The following MYL6 variants were observed in gnomAD, a reference collection of about 807,000 sequenced individuals.
The protein encoded by MYL6 is myosin light chain 6, also known as myosin light polypeptide 6.
A neutral mutation model predicts 20.3 loss-of-function variants in MYL6; 20 were observed. The observed-to-expected ratio is 0.98, with a 90% CI of 0.69 to 1.43. MYL6 has a LOEUF of 1.43. Among genes scored for constraint, MYL6 ranks in the 40% most tolerant of loss-of-function variants. MYL6 has a pLI of 0.00. For synonymous variants in MYL6, 77 were observed against 72.4 expected, an observed-to-expected ratio of 1.06 and a Z score of -0.32; for missense variants, 164 against 191.0, an observed-to-expected ratio of 0.86 and a Z score of 0.83.
At chr12:56,160,581 T>A (rs1481471984) in intron 5 of MYL6, 45 bp from the exon 6 acceptor site, 3 of 1,608,752 alleles carry the variant, frequency 1.9e-6, no homozygotes, top group Non-Finnish European at 2.6e-6. Context: ...CCTCACCCCA[T>A]GTCTTTGTCT....
chr12:56,161,362 C>A, intron 6 of MYL6, 25 bp from the exon 7 acceptor site: 1 of 1,614,094 alleles, frequency 6.2e-7, no homozygotes, highest in South Asian at 1.1e-5. Flanking sequence ...TGTTCCCTGG[C>A]TCATCCCACC....
At chr12:56,160,373 A>C (rs1157601737) in intron 5 of MYL6, 53 bp downstream of exon 5, 1 of 1,607,416 alleles carries the variant, frequency 6.2e-7, no homozygotes, top group African/African-American at 1.3e-5. Flanking sequence ...GGGCAGGTCA[A>C]GTATAGTGTC....
At chr12:56,160,831 G>C in intron 6 of MYL6, 161 bp downstream of exon 6, 1 of 778,728 alleles carries the variant, frequency 1.3e-6, no homozygotes, top group Non-Finnish European at 2.1e-6. Flanking sequence ...TCCTCAAAGA[G>C]GAAGACAACC....
intron 6 of MYL6, chr12:56,160,980 G>A (rs1164153189): frequency 3.5e-6 from 2 of 565,194 alleles, no homozygotes; most frequent in Non-Finnish European, 6.4e-6. Context: ...TGGAGCATGG[G>A]TAGCTGGCAT....
chr12:56,160,484 A>G (rs1871693843), intron 5 of MYL6, 142 bp from the exon 6 acceptor site: 6 of 1,406,380 alleles, frequency 4.3e-6, no homozygotes, highest in East Asian at 2.3e-5. Context: ...TCAGGGCGGT[A>G]TAACAGGAAA....
chr12:56,159,391 AGG>A, intron 2 of MYL6, 194 bp from the exon 3 acceptor site: 1 of 642,600 alleles, frequency 1.6e-6, no homozygotes, highest in South Asian at 2.5e-5. Flanking sequence ...GGCTGCCAGA[AGG>A]GGAGGAAGCC....
intron 6 of MYL6, chr12:56,161,154 G>A (rs1373569073): frequency 2.0e-5 from 12 of 612,236 alleles, no homozygotes; most frequent in Non-Finnish European, 3.5e-5. Context: ...TTCTGCCTCT[G>A]CTGTGTTCTT....
Position 56,161,510 on chromosome 12 carries a change from T to G in MYL6, c.*140T>G. ...CTAGGCTTTCTTGTCTCAGCAACTT[T>G]CCCATCTTGTCTCTCTTGGATGATG... On this transcript the variant is annotated 3_prime_UTR_variant, in exon 7 of 7. Coordinates refer to ENST00000550697, the MANE Select transcript of MYL6 (RefSeq NM_021019.5). 7.0e-7 allele frequency: 1 copy of G among 1,420,906 alleles called. No homozygotes were observed. Among genetic ancestry groups the G allele is most frequent in the Non-Finnish European group, 9.9e-7 (1 of 1,006,936 alleles). 88.0% of individuals were successfully genotyped at this position (1,420,906 alleles called of 1,614,324 possible). A position where few individuals can be genotyped will look rare whatever the true frequency, so the allele number is the denominator to read the frequency against.
chr12:56,160,200 C>T, intron 4 of MYL6, 43 bp from the exon 5 acceptor site: 1 of 1,613,894 alleles, frequency 6.2e-7, no homozygotes, highest in Non-Finnish European at 8.5e-7. Flanking sequence ...TGAGGTACCT[C>T]ACTTGTCACC....
intron 1 of MYL6, 60 bp from the exon 2 acceptor site, chr12:56,158,624 G>A: frequency 6.2e-7 from 1 of 1,614,080 alleles, no homozygotes; most frequent in Non-Finnish European, 8.5e-7. Flanking sequence ...TTGTGGGGCT[G>A]GGATAGAAAC....
At position 56,160,047 on chromosome 12, in the gene MYL6, A is replaced by AG. The variant is rs1308673147; in HGVS notation, c.251dup (p.Thr85HisfsTer3). ...CAGACAGTGGCCAAGAACAAGGACC[A>AG]GGGCACCTATGAGGATTATGTCGAA... On this transcript the variant is annotated frameshift_variant, in exon 4 of 7. Coordinates refer to ENST00000550697, the MANE Select transcript of MYL6 (RefSeq NM_021019.5). LOFTEE classifies it high-confidence loss of function. 6.2e-7 allele frequency: 1 copy of AG among 1,614,218 alleles called. No individual in the cohort carries two copies. The highest frequency in any genetic ancestry group is 8.5e-7 in the Non-Finnish European group (1 of 1,180,042).
At chr12:56,158,760 C>A (rs995754072) in intron 2 of MYL6, 49 bp downstream of exon 2, 3 of 1,610,684 alleles carry the variant, frequency 1.9e-6, no homozygotes, top group Admixed American at 1.7e-5. Context: ...GAGAGGGACA[C>A]CCTCCCCCCA....
intron 3 of MYL6, 32 bp from the exon 4 acceptor site, chr12:56,159,943 C>G (rs1871623893): frequency 6.3e-7 from 1 of 1,594,122 alleles, no homozygotes; most frequent in Non-Finnish European, 8.5e-7. Flanking sequence ...TGTTACTTCT[C>G]TGGCCTGACA....
chr12:56,160,023 A>T lies in MYL6; in HGVS notation c.224A>T (p.Gln75Leu). ...TTTGAGCACTTTCTGCCCATGCTGCAGACAGTGGCCAAGAACAAGGACCAG... is the reference window on the plus strand; with the variant it reads ...TTTGAGCACTTTCTGCCCATGCTGCTGACAGTGGCCAAGAACAAGGACCAG... Reference protein sequence around the residue: ...LDFEHFLPMLQTVAKNKDQGT... With the variant: ...LDFEHFLPMLLTVAKNKDQGT... Residue 75 changes from glutamine (Q) to leucine (L), a missense_variant, in exon 4 of 7, where the codon CAG becomes CTG. Physicochemically the swap from Gln to Leu is moderately radical, Grantham distance 113 (BLOSUM62 -2). Transcript: ENST00000550697. 6.2e-7 allele frequency: 1 copy of T among 1,614,180 alleles called. No individual in the cohort carries two copies. The highest frequency in any genetic ancestry group is 8.5e-7 in the Non-Finnish European group (1 of 1,180,030).
At chr12:56,158,770 A>T (rs886543194) in intron 2 of MYL6, 59 bp downstream of exon 2, 97 of 1,601,978 alleles carry the variant, frequency 6.1e-5, no homozygotes, top group Non-Finnish European at 8.2e-5. Flanking sequence ...CCCTCCCCCC[A>T]GCACCTATCC....
At chr12:56,158,811 C>A in intron 2 of MYL6, 100 bp downstream of exon 2, 2 of 1,563,654 alleles carry the variant, frequency 1.3e-6, no homozygotes, top group South Asian at 2.3e-5. Flanking sequence ...TCTTTAGCAC[C>A]CCCATGAGAT....
Position 56,158,671 on chromosome 12 carries a change from C to T in MYL6, c.4-13C>T, listed in dbSNP as rs764066630. 2.5e-6 allele frequency: 4 copies of T among 1,614,128 alleles called. No individual in the cohort carries two copies. The Admixed American group carries it at 6.7e-5, about 27-fold the overall frequency. Reference sequence around the variant, plus strand: ...GCGTTCAGATGCTGACCACTTCCCTCTTCTCTGAGCAGTGTGACTTCACCG... The same window carrying T: ...GCGTTCAGATGCTGACCACTTCCCTTTTCTCTGAGCAGTGTGACTTCACCG... On this transcript the variant is annotated splice_polypyrimidine_tract_variant and intron_variant, in intron 1 of 6. Coordinates refer to ENST00000550697, the MANE Select transcript of MYL6 (RefSeq NM_021019.5).
chr12:56,161,024 C>A, intron 6 of MYL6: 1 of 562,752 alleles, frequency 1.8e-6, no homozygotes. Context: ...CATTCTGCTG[C>A]TATAGCTGAA....
intron 6 of MYL6, chr12:56,160,979 G>A: frequency 1.8e-6 from 1 of 565,118 alleles, no homozygotes; most frequent in Non-Finnish European, 3.2e-6. Flanking sequence ...CTGGAGCATG[G>A]GTAGCTGGCA....
Sources: gnomAD v4.1 joint callset for allele counts on GRCh38, gnomAD v4.1.1 for gene constraint, MANE v1.5 for transcripts, NCBI Gene and HGNC (gene_info 2026-07-23, HGNC 2026-07-21) for gene names.